Variants in LAMP5 observed in about 807,000 individuals in gnomAD.
The protein encoded by LAMP5 is lysosome-associated membrane glycoprotein 5.
LAMP5 carries 36 observed loss-of-function variants against 30.2 expected under a neutral mutation model. The observed-to-expected ratio is 1.19, with a 90% CI of 0.91 to 1.57. The LOEUF is 1.57. Ranked by LOEUF, LAMP5 falls within the 40% of genes most tolerant of loss-of-function variation. The pLI, the probability that LAMP5 is intolerant of heterozygous loss-of-function variation, is 0.00. For synonymous variants in LAMP5, 149 were observed against 134.6 expected (o/e 1.11, Z -0.74); for missense variants, 377 against 354.9 (o/e 1.06, Z -0.50).
chr20:9,514,879 C>T lies in LAMP5; in HGVS notation c.27C>T (p.Pro9=), dbSNP rs1048987276. The change falls in exon 1 of 6, where the codon CCC becomes CCT. Residue 9 remains proline (P), a synonymous_variant. Transcript: ENST00000246070. ...TGGATCTCCAAGGAAGAGGGGTCCCCAGCATCGACAGACTTCGAGTTCTCC... is the reference window on the plus strand; with the variant it reads ...TGGATCTCCAAGGAAGAGGGGTCCCTAGCATCGACAGACTTCGAGTTCTCC... MDLQGRGV[P]SIDRLRVLLM... is the part of the protein sequence containing the mutation. The T allele has an allele frequency of 6.2e-7, 1 of 1,614,198 alleles. No homozygotes were observed. Among genetic ancestry groups the T allele is most frequent in the African/African-American group, 1.3e-5 (1 of 75,042 alleles).
chr20:9,525,100 A>G (rs149823365), intron 5 of LAMP5, among the ~76,000 whole-genome samples: 12 of 152,318 alleles, frequency 7.9e-5, no homozygotes, highest in African/African-American at 2.9e-4. Flanking sequence ...ACAAAAGATA[A>G]TCGTCTGAGA....
intron 5 of LAMP5, among the ~76,000 whole-genome samples, chr20:9,529,422 A>G (rs1178618118): frequency 1.3e-5 from 2 of 152,200 alleles, no homozygotes; most frequent in Admixed American, 6.5e-5. Context: ...GGAATCCAAT[A>G]ATTACATGTT....
In LAMP5 at chr20:9,518,187, T is replaced by C. The variant is rs192318071; in HGVS notation, c.623T>C (p.Ile208Thr). ...ACCATGATCCTGTCTGCGGTCCACATCCAACCTTTTGACATTATCTCAGAT... is the reference window on the plus strand; with the variant it reads ...ACCATGATCCTGTCTGCGGTCCACACCCAACCTTTTGACATTATCTCAGAT... ...TVTMILSAVH[I>T]QPFDIISDFV... Residue 208 changes from isoleucine to threonine, a missense_variant, in exon 5 of 6, where the codon ATC becomes ACC. Physicochemically the swap from Ile to Thr is moderately conservative, Grantham distance 89 (BLOSUM62 -1). Transcript: ENST00000246070. The C allele has an allele frequency of 3.1e-6, 5 of 1,614,166 alleles. No homozygotes were observed. The highest frequency in any genetic ancestry group is 1.3e-5 in the African/African-American group (1 of 75,036).
At chr20:9,528,317 T>C (rs1015641988) in intron 5 of LAMP5, among the ~76,000 whole-genome samples, 4 of 139,868 alleles carry the variant, frequency 2.9e-5, no homozygotes, top group Non-Finnish European at 6.1e-5. Context: ...TGTGTGTGTG[T>C]GTGTGCGTGT....
At chr20:9,519,046 T>C (rs977411212) in intron 5 of LAMP5, among the ~76,000 whole-genome samples, 1 of 152,202 alleles carries the variant, frequency 6.6e-6, no homozygotes, top group Non-Finnish European at 1.5e-5. Flanking sequence ...TCTTTTCATC[T>C]CAGCACCCCT....
At chr20:9,524,595 TAAAAAA>T in intron 5 of LAMP5, among the ~76,000 whole-genome samples, 1 of 82,218 alleles carries the variant, frequency 1.2e-5, no homozygotes, top group Admixed American at 1.5e-4. Context: ...CAGATCGAAC[TAAAAAA>T]AAAAAAAAAA....
chr20:9,517,987 A>G, intron 4 of LAMP5, 53 bp from the exon 5 acceptor site: 1 of 1,003,410 alleles, frequency 1.0e-6, no homozygotes, highest in Non-Finnish European at 1.4e-6. Context: ...TCTCTGGCAC[A>G]TTAGGTTAGG....
intron 4 of LAMP5, among the ~76,000 whole-genome samples, chr20:9,516,892 T>C (rs2045044483): frequency 6.6e-6 from 1 of 152,118 alleles, no homozygotes; most frequent in Non-Finnish European, 1.5e-5. Context: ...ATGTATAATT[T>C]ACTAGCGTTT....
rs1390196138 is a variant in LAMP5 at position 9,529,725 on chromosome 20, A to G, written c.748A>G (p.Met250Val). 6.2e-7 allele frequency: 1 copy of G among 1,614,076 alleles called. No individual in the cohort carries two copies. The highest frequency in any genetic ancestry group is 2.2e-5 in the East Asian group (1 of 44,892). Reference sequence around the variant, plus strand: ...GGGGCTCATCTTGGGCCTCGTCATCATGGTAACACTCGCGATTTACCACGT... The same window carrying G: ...GGGGCTCATCTTGGGCCTCGTCATCGTGGTAACACTCGCGATTTACCACGT... ...ILGLILGLVI[M>V]VTLAIYHVHH... Residue 250 changes from methionine (M) to valine (V), a missense_variant, in exon 6 of 6, where the codon ATG becomes GTG. By Grantham distance (21) the Met-to-Val change is conservative. Coordinates refer to ENST00000246070, the MANE Select transcript of LAMP5 (RefSeq NM_012261.4).
intron 5 of LAMP5, among the ~76,000 whole-genome samples, chr20:9,521,757 T>C (rs191219498): frequency 1.4e-4 from 21 of 152,298 alleles, no homozygotes; most frequent in African/African-American, 4.1e-4. Flanking sequence ...GATGTGTCGC[T>C]GGGAGGGAAC....
Position 9,514,728 on chromosome 20 carries a change from T to TCCCCCC in LAMP5, c.-122_-121insCCCCCC. 1.3e-6 allele frequency: 1 copy of TCCCCCC among 748,320 alleles called. No homozygotes were observed. The allele number at this position is 748,320 out of a possible 1,614,324, so 46.4% of individuals were successfully genotyped here. Reference sequence around the variant, plus strand: ...AGGCGCTCACAGAATACGCGCTCCCTCCCTCCCCCTTCTCTGTCCCCCGCC... The same window carrying TCCCCCC: ...AGGCGCTCACAGAATACGCGCTCCCTCCCCCCCCCTCCCCCTTCTCTGTCCCCCGCC... On this transcript the variant is annotated 5_prime_UTR_variant, in exon 1 of 6. Transcript: ENST00000246070.
chr20:9,517,044 C>G (rs1051851343), intron 4 of LAMP5, among the ~76,000 whole-genome samples: 3 of 152,186 alleles, frequency 2.0e-5, no homozygotes, highest in Non-Finnish European at 4.4e-5. Context: ...GTCTATTTCA[C>G]TCATAATGAG....
intron 5 of LAMP5, among the ~76,000 whole-genome samples, chr20:9,525,032 C>T (rs903429188): frequency 1.3e-5 from 2 of 152,036 alleles, no homozygotes; most frequent in Non-Finnish European, 2.9e-5. Context: ...TAGTTGATAT[C>T]CTCTTTATAT....
Position 9,518,206 on chromosome 20 carries a change from C to G in LAMP5, c.642C>G (p.Ile214Met). Residue 214 changes from isoleucine (I) to methionine (M), a missense_variant, in exon 5 of 6, where the codon ATC (isoleucine) becomes ATG (methionine). Coordinates refer to ENST00000246070, the MANE Select transcript of LAMP5 (RefSeq NM_012261.4). Reference protein sequence around the residue: ...SAVHIQPFDIISDFVFSEEHK... With the variant: ...SAVHIQPFDIMSDFVFSEEHK... ...TCCACATCCAACCTTTTGACATTAT[C>G]TCAGATTTTGTCTTCAGTGAAGGTA... The G allele has an allele frequency of 2.5e-6, 4 of 1,614,144 alleles. No homozygotes were observed. Among genetic ancestry groups the G allele is most frequent in the Non-Finnish European group, 3.4e-6 (4 of 1,180,012 alleles).
chr20:9,514,719 C>G lies in LAMP5; in HGVS notation c.-134C>G. 1 of 692,854 alleles carries G rather than the reference C, an allele frequency of 1.4e-6. No homozygotes were observed. Among genetic ancestry groups the G allele is most frequent in the Non-Finnish European group, 2.4e-6 (1 of 412,242 alleles). The allele number at this position is 692,854 out of a possible 1,614,324, so 42.9% of individuals were successfully genotyped here. On this transcript the variant is annotated 5_prime_UTR_variant, in exon 1 of 6. Transcript: ENST00000246070. ...GTCCTAGCTAGGCGCTCACAGAATACGCGCTCCCTCCCTCCCCCTTCTCTG... is the reference window on the plus strand; with the variant it reads ...GTCCTAGCTAGGCGCTCACAGAATAGGCGCTCCCTCCCTCCCCCTTCTCTG...
Position 9,517,068 on chromosome 20 carries a change from C to G in LAMP5, c.475+707C>G, listed in dbSNP as rs139305730. Among the ~76,000 whole-genome samples the G allele has an allele frequency of 1.8e-3, 268 of 152,318 alleles. 2 individuals are homozygous for G. The highest frequency in any genetic ancestry group is 6.4e-3 in the African/African-American group (264 of 41,552). On this transcript the variant is annotated intron_variant, in intron 4 of 5. Transcript: ENST00000246070. Reference sequence around the variant, plus strand: ...ACTCATAATGAGGCCCTTCATCACCCAGGCACCTGAGTTGGGAAAGGATTT... The same window carrying G: ...ACTCATAATGAGGCCCTTCATCACCGAGGCACCTGAGTTGGGAAAGGATTT...
intron 3 of LAMP5, 32 bp from the exon 4 acceptor site, chr20:9,516,224 G>T: frequency 2.5e-6 from 4 of 1,613,560 alleles, no homozygotes; most frequent in Non-Finnish European, 3.4e-6. Flanking sequence ...ACGCTGCGGG[G>T]ACGATTGAAG....
rs201803584 is a variant in LAMP5 at position 9,518,089 on chromosome 20, C to T, written c.525C>T (p.Pro175=). 3.0e-5 allele frequency: 48 copies of T among 1,614,128 alleles called. 1 individual carries two copies. In the East Asian group the frequency reaches 4.5e-4, roughly 15 times the overall value. ...ACCACCTCTCTGCCTTGGTCACCCC[C>T]GCTGGGAAGTCCTATGAGTGTCAAG... ...NSHHLSALVT[P]AGKSYECQAQ... Residue 175 remains proline, a synonymous_variant, in exon 5 of 6, where the codon CCC becomes CCT. Coordinates refer to ENST00000246070, the MANE Select transcript of LAMP5 (RefSeq NM_012261.4).
Position 9,516,145 on chromosome 20 carries a change from C to T in LAMP5, c.369+14C>T. 2.5e-6 allele frequency: 4 copies of T among 1,575,076 alleles called. No individual in the cohort carries two copies. Among genetic ancestry groups the T allele is most frequent in the Non-Finnish European group, 1.7e-6 (2 of 1,161,678 alleles). On this transcript the variant is annotated intron_variant, in intron 3 of 5. Coordinates refer to ENST00000246070, the MANE Select transcript of LAMP5 (RefSeq NM_012261.4). ...CTCTTTGTAAAGGTAACTCCGAGCCCAGCGGGCAGAGGGGCCGCAGGCTCC... is the reference window on the plus strand; with the variant it reads ...CTCTTTGTAAAGGTAACTCCGAGCCTAGCGGGCAGAGGGGCCGCAGGCTCC...
Sources: allele counts gnomAD v4.1 joint callset (sites outside exome capture counted in the v4.1 genomes callset), GRCh38; gene constraint gnomAD v4.1.1; transcripts MANE v1.5; gene names NCBI Gene and HGNC (gene_info 2026-07-23, HGNC 2026-07-21).